The following SPN variants were observed in gnomAD, a reference collection of about 807,000 sequenced individuals.
SPN encodes leukosialin.
A neutral mutation model predicts 8.4 loss-of-function variants in SPN; 6 were observed. The observed-to-expected ratio is 0.72, with a 90% CI of 0.39 to 1.42. The LOEUF (loss-of-function observed/expected upper bound fraction) is 1.42, where lower values mean the gene tolerates loss of function less well. SPN is among the 40% of genes most tolerant of loss of function. The probability of loss-of-function intolerance (pLI) is 0.02; values close to 1 mark genes in which losing one functional copy is unlikely to be tolerated. For synonymous variants in SPN, 201 were observed against 222.6 expected (o/e 0.90, Z 0.86); for missense variants, 517 against 530.6 (o/e 0.97, Z 0.25).
rs749948158 is a variant in SPN at position 29,664,959 on chromosome 16, C to T, written c.*28C>T. 7.4e-5 allele frequency: 100 copies of T among 1,347,188 alleles called. No homozygotes were observed. The highest frequency in any genetic ancestry group is 2.6e-4 in the Middle Eastern group (1 of 3,860). The allele number at this position is 1,347,188 out of a possible 1,614,324, so 83.5% of individuals were successfully genotyped here. A position where few individuals can be genotyped will look rare whatever the true frequency, so the allele number is the denominator to read the frequency against. On this transcript the variant is annotated 3_prime_UTR_variant, in exon 2 of 2. Coordinates refer to ENST00000652691, the MANE Select transcript of SPN (RefSeq NM_003123.6). This position sits in a 1 kb window ranked among gnomAD's most constrained non-coding sequence, Gnocchi z 6.4. Reference sequence around the variant, plus strand: ...GTCGGTGAATAGTGAGGCTGGAGGCCGGAATCTCAGCCAGCCTCCAGCACC... The same window carrying T: ...GTCGGTGAATAGTGAGGCTGGAGGCTGGAATCTCAGCCAGCCTCCAGCACC...
In SPN at chr16:29,664,106, A is replaced by T; in HGVS notation, c.378A>T (p.Gly126=). The change falls in exon 2 of 2, where the codon GGA becomes GGT. Residue 126 remains glycine (G), a synonymous_variant. Transcript: ENST00000652691. The surrounding 1 kb of genome is among the most constrained non-coding windows in gnomAD (Gnocchi z 6.4). Reference sequence around the variant, plus strand: ...TTCCCATAACAGCAAACTCTCTAGGATCCCACACCGTGACAGGTGGAACCA... The same window carrying T: ...TTCCCATAACAGCAAACTCTCTAGGTTCCCACACCGTGACAGGTGGAACCA... ...PAVPITANSL[G]SHTVTGGTIT... is the part of the protein sequence containing the mutation. 3.7e-6 allele frequency: 6 copies of T among 1,613,990 alleles called. No homozygotes were observed. The highest frequency in any genetic ancestry group is 5.1e-6 in the Non-Finnish European group (6 of 1,179,988).
rs1031391567 is a variant in SPN, at chr16:29,666,789, G to T, written c.*1858G>T. The T allele has an allele frequency of 9.5e-6, 4 of 422,044 alleles. No homozygotes were observed. The highest frequency in any genetic ancestry group is 4.1e-5 in the African/African-American group (2 of 49,294). 26.1% of individuals were successfully genotyped at this position (422,044 alleles called of 1,614,324 possible). A position where few individuals can be genotyped will look rare whatever the true frequency, so the allele number is the denominator to read the frequency against. On this transcript the variant is annotated 3_prime_UTR_variant, in exon 2 of 2. Transcript: ENST00000652691. The stretch of plus-strand genomic sequence containing the variant: ...CCCCTGTGGGGCCTGGGTGGAGAGG[G>T]GAGAACTCAATGGTGCTGCCTTTGA...
Position 29,663,635 on chromosome 16 carries a change from G to T in SPN, c.-34-60G>T, listed in dbSNP as rs759754820. 1.8e-5 allele frequency: 27 copies of T among 1,496,770 alleles called. No homozygotes were observed. The highest frequency in any genetic ancestry group is 2.4e-5 in the Non-Finnish European group (27 of 1,127,160). The allele number at this position is 1,496,770 out of a possible 1,614,324, so 92.7% of individuals were successfully genotyped here. A position where few individuals can be genotyped will look rare whatever the true frequency, so the allele number is the denominator to read the frequency against. The stretch of plus-strand genomic sequence containing the variant: ...TGGCAGGGAAGTGGGCAGAGGGGAG[G>T]CCCGGCCAGGTCCTCCGGCAACTCC... On this transcript the variant is annotated intron_variant, in intron 1 of 1. Coordinates refer to ENST00000652691, the MANE Select transcript of SPN (RefSeq NM_003123.6). This position sits in a 1 kb window ranked among gnomAD's most constrained non-coding sequence, Gnocchi z 4.3.
rs980337600 is a variant in SPN, at chr16:29,665,904, C to T, written c.*973C>T. The T allele has an allele frequency of 4.2e-5, 7 of 167,168 alleles. No individual in the cohort carries two copies. Among genetic ancestry groups the T allele is most frequent in the Non-Finnish European group, 1.0e-4 (7 of 68,182 alleles). 10.4% of individuals were successfully genotyped at this position (167,168 alleles called of 1,614,324 possible). A position where few individuals can be genotyped will look rare whatever the true frequency, so the allele number is the denominator to read the frequency against. On this transcript the variant is annotated 3_prime_UTR_variant, in exon 2 of 2. Coordinates refer to ENST00000652691, the MANE Select transcript of SPN (RefSeq NM_003123.6). ...CTGGCCCACACCACCACACTCTCCC[C>T]AGCCATGGACAGAGGCAGCCAGAGG...
Position 29,665,037 on chromosome 16 carries a change from C to A in SPN, c.*106C>A. On this transcript the variant is annotated 3_prime_UTR_variant, in exon 2 of 2. Transcript: ENST00000652691. ...CGCTCCCATGTTTCCACCCGGCACC[C>A]TGATCCTCACCCGAATCTCCTTTTT... 8.3e-7 allele frequency: 1 copy of A among 1,197,882 alleles called. No homozygotes were observed. The highest frequency in any genetic ancestry group is 1.1e-6 in the Non-Finnish European group (1 of 940,170). 74.2% of individuals were successfully genotyped at this position (1,197,882 alleles called of 1,614,324 possible). A position where few individuals can be genotyped will look rare whatever the true frequency, so the allele number is the denominator to read the frequency against.
chr16:29,663,921 C>T lies in SPN; in HGVS notation c.193C>T (p.Leu65=), dbSNP rs948238626. 3 of 1,613,970 alleles carry T rather than the reference C, an allele frequency of 1.9e-6. No homozygotes were observed. The highest frequency in any genetic ancestry group is 1.7e-5 in the Admixed American group (1 of 59,976). The part of the protein sequence containing the change: ...ADSTGDQTSA[L]PPSTSINEGS... ...CAGCACTGGGGACCAGACCTCAGCC[C>T]TACCTCCCTCAACTTCCATCAATGA... The change falls in exon 2 of 2, where the codon CTA becomes TTA. Residue 65 remains leucine, a synonymous_variant. Transcript: ENST00000652691. This position sits in a 1 kb window ranked among gnomAD's most constrained non-coding sequence, Gnocchi z 4.3.
chr16:29,665,098 C>A lies in SPN; in HGVS notation c.*167C>A. 1 of 779,516 alleles carries A rather than the reference C, an allele frequency of 1.3e-6. No individual in the cohort carries two copies. Among genetic ancestry groups the A allele is most frequent in the Non-Finnish European group, 1.8e-6 (1 of 561,194 alleles). 48.3% of individuals were successfully genotyped at this position (779,516 alleles called of 1,614,324 possible). ...TGAGACAGAGTTTCGCTTTGTCGCCCAGGCTGGAGTGCAATGCACGATCTC... is the reference window on the plus strand; with the variant it reads ...TGAGACAGAGTTTCGCTTTGTCGCCAAGGCTGGAGTGCAATGCACGATCTC... On this transcript the variant is annotated 3_prime_UTR_variant, in exon 2 of 2. Coordinates refer to ENST00000652691, the MANE Select transcript of SPN (RefSeq NM_003123.6).
chr16:29,664,917 G>T lies in SPN; in HGVS notation c.1189G>T (p.Gly397Trp), dbSNP rs549616294. Residue 397 changes from glycine to tryptophan, a missense_variant, in exon 2 of 2, where the codon GGG (glycine) becomes TGG (tryptophan). Gly to Trp is a radical substitution (Grantham distance 184). Coordinates refer to ENST00000652691, the MANE Select transcript of SPN (RefSeq NM_003123.6). The surrounding 1 kb of genome is among the most constrained non-coding windows in gnomAD (Gnocchi z 6.4). ...TCCTGATGAGCCCGAAGGGGGAGAC[G>T]GGGCTGCCCCTTAAGTGTCGGTGAA... ...PAPDEPEGGDGAAP is the reference protein window; with the variant it reads ...PAPDEPEGGDWAAP 1 of 1,417,480 alleles carries T rather than the reference G, an allele frequency of 7.1e-7. No homozygotes were observed. The highest frequency in any genetic ancestry group is 9.2e-7 in the Non-Finnish European group (1 of 1,083,056). The allele number at this position is 1,417,480 out of a possible 1,614,324, so 87.8% of individuals were successfully genotyped here. A position where few individuals can be genotyped will look rare whatever the true frequency, so the allele number is the denominator to read the frequency against.
In SPN at chr16:29,663,605, G is replaced by T. The variant is rs920614951; in HGVS notation, c.-34-90G>T. The T allele has an allele frequency of 1.7e-5, 23 of 1,384,768 alleles. No individual in the cohort carries two copies. The African/African-American group carries it at 2.6e-4, about 16-fold the overall frequency. 85.8% of individuals were successfully genotyped at this position (1,384,768 alleles called of 1,614,324 possible). On this transcript the variant is annotated intron_variant, in intron 1 of 1. Coordinates refer to ENST00000652691, the MANE Select transcript of SPN (RefSeq NM_003123.6). This position sits in a 1 kb window ranked among gnomAD's most constrained non-coding sequence, Gnocchi z 4.3. Reference sequence around the variant, plus strand: ...ACCGTTAAACCGCAGGTTGGGCCTGGCCGTTGGCAGGGAAGTGGGCAGAGG... The same window carrying T: ...ACCGTTAAACCGCAGGTTGGGCCTGTCCGTTGGCAGGGAAGTGGGCAGAGG...
In SPN at chr16:29,667,169, C is replaced by T; in HGVS notation, c.*2238C>T. On this transcript the variant is annotated 3_prime_UTR_variant, in exon 2 of 2. Coordinates refer to ENST00000652691, the MANE Select transcript of SPN (RefSeq NM_003123.6). ...GCACCCACTGGGCTGCATCTGGTGG[C>T]CTTTTCTGATTGCTATTTGGACTCA... 1 of 384,876 alleles carries T rather than the reference C, an allele frequency of 2.6e-6. No homozygotes were observed. Among genetic ancestry groups the T allele is most frequent in the Non-Finnish European group, 5.4e-6 (1 of 185,060 alleles). 23.8% of individuals were successfully genotyped at this position (384,876 alleles called of 1,614,324 possible). A position where few individuals can be genotyped will look rare whatever the true frequency, so the allele number is the denominator to read the frequency against.
rs1344739273 is a variant in SPN, at chr16:29,663,927, C to T, written c.199C>T (p.Pro67Ser). ...STGDQTSALP[P>S]STSINEGSPL... Reference sequence around the variant, plus strand: ...TGGGGACCAGACCTCAGCCCTACCTCCCTCAACTTCCATCAATGAGGGATC... The same window carrying T: ...TGGGGACCAGACCTCAGCCCTACCTTCCTCAACTTCCATCAATGAGGGATC... Residue 67 changes from proline to serine, a missense_variant, in exon 2 of 2, where the codon CCC becomes TCC. Transcript: ENST00000652691. The surrounding 1 kb of genome is among the most constrained non-coding windows in gnomAD (Gnocchi z 4.3). The T allele has an allele frequency of 3.1e-6, 5 of 1,613,956 alleles. No individual in the cohort carries two copies. The highest frequency in any genetic ancestry group is 4.2e-6 in the Non-Finnish European group (5 of 1,179,996).
rs774883009 is a variant in SPN at position 29,664,642 on chromosome 16, G to A, written c.914G>A (p.Gly305Glu). 1 of 1,560,912 alleles carries A rather than the reference G, an allele frequency of 6.4e-7. No individual in the cohort carries two copies. The highest frequency in any genetic ancestry group is 8.7e-7 in the Non-Finnish European group (1 of 1,155,572). Residue 305 changes from glycine (G) to glutamate (E), a missense_variant, in exon 2 of 2, where the codon GGG becomes GAG. Gly to Glu is a moderately conservative substitution (Grantham distance 98, BLOSUM62 -2). Transcript: ENST00000652691. The surrounding 1 kb of genome is among the most constrained non-coding windows in gnomAD (Gnocchi z 6.4). ...AACGGGGTGGTGGACGCCTGGGCTG[G>A]GCCAGCCCAGGTCCCTGAGGAGGGG... ...KRNGVVDAWA[G>E]PAQVPEEGAV...
chr16:29,664,616 T>C lies in SPN; in HGVS notation c.888T>C (p.Arg296=), dbSNP rs368520219. 1.3e-6 allele frequency: 2 copies of C among 1,596,878 alleles called. No individual in the cohort carries two copies. ...GALVLSRGGK[R]NGVVDAWAGP... is the part of the protein sequence containing the mutation. ...TCGTGCTGAGCAGAGGCGGCAAGCG[T>C]AACGGGGTGGTGGACGCCTGGGCTG... The change falls in exon 2 of 2, where the codon CGT becomes CGC. Residue 296 remains arginine, a synonymous_variant. Transcript: ENST00000652691. The surrounding 1 kb of genome is among the most constrained non-coding windows in gnomAD (Gnocchi z 6.4).
In SPN at chr16:29,668,777, A is replaced by G. The variant is rs1966841008; in HGVS notation, c.*3846A>G. On this transcript the variant is annotated 3_prime_UTR_variant, in exon 2 of 2. Transcript: ENST00000652691. ...CTCAGATATTTGAAGGCTGGGAAGGATTTTGCAAAGCTGGGAAAAGGAAAA... is the reference window on the plus strand; with the variant it reads ...CTCAGATATTTGAAGGCTGGGAAGGGTTTTGCAAAGCTGGGAAAAGGAAAA... The G allele has an allele frequency of 1.8e-5, 3 of 166,698 alleles. No homozygotes were observed. The highest frequency in any genetic ancestry group is 7.3e-5 in the African/African-American group (3 of 41,292). 10.3% of individuals were successfully genotyped at this position (166,698 alleles called of 1,614,324 possible). A position where few individuals can be genotyped will look rare whatever the true frequency, so the allele number is the denominator to read the frequency against.
In SPN at chr16:29,667,134, G is replaced by T; in HGVS notation, c.*2203G>T. ...GCTCGGATGGAACCAGCTTCTACCA[G>T]CCAGGCTGGGCACCCACTGGGCTGC... On this transcript the variant is annotated 3_prime_UTR_variant, in exon 2 of 2. Transcript: ENST00000652691. 1 of 426,048 alleles carries T rather than the reference G, an allele frequency of 2.3e-6. No individual in the cohort carries two copies. Among genetic ancestry groups the T allele is most frequent in the Non-Finnish European group, 5.0e-6 (1 of 201,432 alleles). The allele number at this position is 426,048 out of a possible 1,614,324, so 26.4% of individuals were successfully genotyped here.
At position 29,667,217 on chromosome 16, in the gene SPN, G is replaced by A. The variant is rs1966828195; in HGVS notation, c.*2286G>A. On this transcript the variant is annotated 3_prime_UTR_variant, in exon 2 of 2. Transcript: ENST00000652691. ...TCACTGCAGCTGCAGAATGACAGAG[G>A]CCATGTCCAAAATCCCTTAGAGACA... is the stretch of plus-strand genomic sequence containing the variant. 5.6e-6 allele frequency: 2 copies of A among 360,292 alleles called. No individual in the cohort carries two copies. The highest frequency in any genetic ancestry group is 2.2e-5 in the South Asian group (1 of 46,456). 22.3% of individuals were successfully genotyped at this position (360,292 alleles called of 1,614,324 possible).
chr16:29,663,543 G>A lies in SPN; in HGVS notation c.-34-152G>A, dbSNP rs184980634. Among the ~76,000 whole-genome samples the A allele has an allele frequency of 7.9e-5, 12 of 152,260 alleles. No homozygotes were observed. The highest frequency in any genetic ancestry group is 2.9e-4 in the African/African-American group (12 of 41,552). ...GGGAGCTGCCAGCATCTGTTCCTCTGTCATTTCTGATAACAGTAAAAGCCA... is the reference window on the plus strand; with the variant it reads ...GGGAGCTGCCAGCATCTGTTCCTCTATCATTTCTGATAACAGTAAAAGCCA... On this transcript the variant is annotated intron_variant, in intron 1 of 1. Transcript: ENST00000652691. This position sits in a 1 kb window ranked among gnomAD's most constrained non-coding sequence, Gnocchi z 4.3.
In SPN at chr16:29,666,775, C is replaced by T; in HGVS notation, c.*1844C>T. The T allele has an allele frequency of 2.4e-6, 1 of 408,612 alleles. No homozygotes were observed. The allele number at this position is 408,612 out of a possible 1,614,324, so 25.3% of individuals were successfully genotyped here. A position where few individuals can be genotyped will look rare whatever the true frequency, so the allele number is the denominator to read the frequency against. On this transcript the variant is annotated 3_prime_UTR_variant, in exon 2 of 2. Transcript: ENST00000652691. ...GGAGCCAGGGACTTCCCCTGTGGGG[C>T]CTGGGTGGAGAGGGGAGAACTCAAT...
Position 29,664,801 on chromosome 16 carries a change from T to G in SPN, c.1073T>G (p.Met358Arg). Reference protein sequence around the residue: ...RRKSRQGSLAMEELKSGSGPS... With the variant: ...RRKSRQGSLAREELKSGSGPS... ...AAGTCTCGCCAGGGCTCCCTGGCGATGGAGGAGCTGAAGTCTGGGTCAGGC... is the reference window on the plus strand; with the variant it reads ...AAGTCTCGCCAGGGCTCCCTGGCGAGGGAGGAGCTGAAGTCTGGGTCAGGC... Residue 358 changes from methionine to arginine, a missense_variant, in exon 2 of 2, where the codon ATG (methionine) becomes AGG (arginine). Physicochemically the swap from Met to Arg is moderately conservative, Grantham distance 91. Transcript: ENST00000652691. This position sits in a 1 kb window ranked among gnomAD's most constrained non-coding sequence, Gnocchi z 6.4. 1 of 1,503,890 alleles carries G rather than the reference T, an allele frequency of 6.6e-7. No individual in the cohort carries two copies. Among genetic ancestry groups the G allele is most frequent in the Non-Finnish European group, 8.9e-7 (1 of 1,129,604 alleles). 93.2% of individuals were successfully genotyped at this position (1,503,890 alleles called of 1,614,324 possible).
Sources: allele counts gnomAD v4.1 joint callset (sites outside exome capture counted in the v4.1 genomes callset), GRCh38; gene constraint gnomAD v4.1.1; non-coding constraint Gnocchi (gnomAD v3.1); transcripts MANE v1.5; gene names NCBI Gene and HGNC (gene_info 2026-07-23, HGNC 2026-07-21).